Variants in APC2 observed in about 807,000 individuals in gnomAD.
APC2 encodes adenomatous polyposis coli protein 2.
Under a neutral mutation model 72.5 loss-of-function variants are expected in APC2, and 41 were observed. The ratio of observed to expected loss-of-function variants is 0.57; its 90% confidence interval spans 0.44 to 0.73. APC2 has a LOEUF of 0.73. Ranked by LOEUF, APC2 falls within the 30% of genes least tolerant of loss-of-function variation. The pLI, the probability that APC2 is intolerant of heterozygous loss-of-function variation, is 0.00. For synonymous variants in APC2, 1,898 were observed against 1,612.0 expected (o/e 1.18, Z -4.25); for missense variants, 3,729 against 3,403.4 (o/e 1.10, Z -2.38).
At chr19:1,448,147 G>C (rs770805875), upstream of APC2, among the ~76,000 whole-genome samples, 2 of 151,924 alleles carry the variant, frequency 1.3e-5, no homozygotes, top group Non-Finnish European at 2.9e-5. Context: ...GCTCTGCCCC[G>C]GCTTGACCTG....
chr19:1,464,672 T>C (rs2049759829), intron 14 of APC2, among the ~76,000 whole-genome samples: 1 of 146,742 alleles, frequency 6.8e-6, no homozygotes, highest in African/African-American at 2.6e-5. Flanking sequence ...CTTGGTCTCT[T>C]GCCAGGCTGG....
At chr19:1,454,645 G>C (rs2083790815) in intron 4 of APC2, among the ~76,000 whole-genome samples, 1 of 147,196 alleles carries the variant, frequency 6.8e-6, no homozygotes, top group African/African-American at 2.5e-5. Flanking sequence ...CTCACTGCAA[G>C]CTCCGCCTCC....
chr19:1,468,942 C>A lies in APC2; in HGVS notation c.5641C>A (p.Pro1881Thr), dbSNP rs758498465. Residue 1881 changes from proline (P) to threonine (T), a missense_variant, in exon 15 of 15, where the codon CCC becomes ACC. By Grantham distance (38) the Pro-to-Thr change is conservative. Coordinates refer to ENST00000590469, the MANE Select transcript of APC2 (RefSeq NM_005883.3). Reference sequence around the variant, plus strand: ...CTCCTCCAGCTCCTCCCAGACCTCGCCCGCCTCCCAGCCCCTGCCCAGAAA... The same window carrying A: ...CTCCTCCAGCTCCTCCCAGACCTCGACCGCCTCCCAGCCCCTGCCCAGAAA... ...TPSSSSSQTSPASQPLPRKRP... is the reference protein window; with the variant it reads ...TPSSSSSQTSTASQPLPRKRP... 1.5e-4 allele frequency: 234 copies of A among 1,542,950 alleles called. No homozygotes were observed. Among genetic ancestry groups the A allele is most frequent in the Admixed American group, 2.2e-4 (12 of 53,832 alleles).
chr19:1,467,642 C>T lies in APC2; in HGVS notation c.4341C>T (p.Gly1447=). 6.8e-7 allele frequency: 1 copy of T among 1,481,280 alleles called. No homozygotes were observed. The allele number at this position is 1,481,280 out of a possible 1,614,324, so 91.8% of individuals were successfully genotyped here. A position where few individuals can be genotyped will look rare whatever the true frequency, so the allele number is the denominator to read the frequency against. ...TGGGGCACCGGCACAAGGCGGGAGG[C>T]GCCGGCCGCAGCGCGGAGCAGTCTC... ...QAMGHRHKAG[G]AGRSAEQSRG... Residue 1447 remains glycine, a synonymous_variant, in exon 15 of 15, where the codon GGC becomes GGT. Transcript: ENST00000590469.
In APC2 at chr19:1,469,201, G is replaced by C; in HGVS notation, c.5900G>C (p.Gly1967Ala). ...ACCGAGGCGGGCCCGGGGGCGCGCGGGGGCCGCCTGGGCCTGGTGCGTGTG... is the reference window on the plus strand; with the variant it reads ...ACCGAGGCGGGCCCGGGGGCGCGCGCGGGCCGCCTGGGCCTGGTGCGTGTG... The part of the protein sequence containing the change: ...AGTEAGPGAR[G>A]GRLGLVRVAS... Residue 1967 changes from glycine (G) to alanine (A), a missense_variant, in exon 15 of 15, where the codon GGG (glycine) becomes GCG (alanine). Coordinates refer to ENST00000590469, the MANE Select transcript of APC2 (RefSeq NM_005883.3). 2.3e-6 allele frequency: 3 copies of C among 1,312,882 alleles called. No homozygotes were observed. The highest frequency in any genetic ancestry group is 2.9e-6 in the Non-Finnish European group (3 of 1,029,460). The allele number at this position is 1,312,882 out of a possible 1,614,324, so 81.3% of individuals were successfully genotyped here. A position where few individuals can be genotyped will look rare whatever the true frequency, so the allele number is the denominator to read the frequency against.
chr19:1,448,714 G>T (rs943397414), upstream of APC2, among the ~76,000 whole-genome samples: 1 of 150,532 alleles, frequency 6.6e-6, no homozygotes, highest in Non-Finnish European at 1.5e-5. Context: ...CGTGGTGGCG[G>T]GCGCCTGTAG....
At chr19:1,449,920 C>T (rs1013544537), upstream of APC2, among the ~76,000 whole-genome samples, 2 of 152,206 alleles carry the variant, frequency 1.3e-5, no homozygotes, top group African/African-American at 4.8e-5. Flanking sequence ...GAATCTTGGT[C>T]CTCGGGGCAC....
Position 1,467,010 on chromosome 19 carries a change from G to A in APC2, c.3709G>A (p.Val1237Met). ...GTTCAGCCTGCAGTGGGAGAGCTAC[G>A]TGAAGCGCTTCCTGGACATCGCCGA... The part of the protein sequence containing the change: ...TQFSLQWESY[V>M]KRFLDIADCR... The change falls in exon 15 of 15, where the codon GTG (valine) becomes ATG (methionine). Residue 1237 changes from valine to methionine, a missense_variant. Transcript: ENST00000590469. 6.2e-7 allele frequency: 1 copy of A among 1,610,276 alleles called. No homozygotes were observed. Among genetic ancestry groups the A allele is most frequent in the African/African-American group, 1.3e-5 (1 of 74,998 alleles).
chr19:1,457,671 C>G lies in APC2; in HGVS notation c.1208-294C>G, dbSNP rs1016757582. ...TGAGATCATGCTACTGCACTCCAGT[C>G]TGGACAACAGAGCGAGACCCTGTCT... On this transcript the variant is annotated intron_variant, in intron 9 of 14. Transcript: ENST00000590469. 3 of 531,216 alleles carry G rather than the reference C, an allele frequency of 5.6e-6. No homozygotes were observed. The African/African-American group carries it at 5.8e-5, about 10-fold the overall frequency. The allele number at this position is 531,216 out of a possible 1,614,324, so 32.9% of individuals were successfully genotyped here.
rs767362635 is a variant in APC2 at position 1,465,161 on chromosome 19, G to A, written c.1860G>A (p.Val620=). ...ACCCGCCCTGTGCCTACAGGCAGGT[G>A]CTCCGGGATCACAACTGTCTGCAGA... ...LVATREDYRQ[V]LRDHNCLQTL... Residue 620 remains valine (V), a synonymous_variant, in exon 15 of 15, where the codon GTG becomes GTA. Coordinates refer to ENST00000590469, the MANE Select transcript of APC2 (RefSeq NM_005883.3). 1.5e-5 allele frequency: 24 copies of A among 1,598,486 alleles called. No individual in the cohort carries two copies. The highest frequency in any genetic ancestry group is 2.0e-5 in the Non-Finnish European group (24 of 1,173,572).
At position 1,456,969 on chromosome 19, in the gene APC2, G is replaced by C. The variant is rs892389129; in HGVS notation, c.933G>C (p.Ser311=). 6 of 1,539,562 alleles carry C rather than the reference G, an allele frequency of 3.9e-6. No homozygotes were observed. Among genetic ancestry groups the C allele is most frequent in the South Asian group, 1.2e-5 (1 of 84,316 alleles). ...AGAGCTGCGTGGCCATGCGCCGCTCGGGCTGTCTGCCTCTGCTGCTGCAAA... is the reference window on the plus strand; with the variant it reads ...AGAGCTGCGTGGCCATGCGCCGCTCCGGCTGTCTGCCTCTGCTGCTGCAAA... The part of the protein sequence containing the change: ...SPESCVAMRR[S]GCLPLLLQIL... Residue 311 remains serine, a synonymous_variant, in exon 9 of 15, where the codon TCG becomes TCC. Coordinates refer to ENST00000590469, the MANE Select transcript of APC2 (RefSeq NM_005883.3).
upstream of APC2, chr19:1,450,120 C>A: frequency 2.0e-6 from 2 of 984,266 alleles, no homozygotes; most frequent in South Asian, 4.7e-5. Context: ...CTCCCCCGCT[C>A]GCGGTGGTCT....
Position 1,462,120 on chromosome 19 carries a change from G to A in APC2, c.1796G>A (p.Ser599Asn), listed in dbSNP as rs150888374. ...CQSNSLAIIE[S>N]GGGILRNVSS... is the part of the protein sequence containing the mutation. The stretch of plus-strand genomic sequence containing the variant: ...AGCAACTCGCTGGCCATCATCGAGA[G>A]CGGCGGCGGCATCCTCCGCAATGTG... The change falls in exon 14 of 15, where the codon AGC becomes AAC. Residue 599 changes from serine (S) to asparagine (N), a missense_variant. Transcript: ENST00000590469. 2.3e-4 allele frequency: 371 copies of A among 1,612,496 alleles called. No individual in the cohort carries two copies. Among genetic ancestry groups the A allele is most frequent in the Non-Finnish European group, 3.0e-4 (356 of 1,179,972 alleles).
Position 1,455,385 on chromosome 19 carries a change from A to G in APC2, c.524A>G (p.Gln175Arg). Residue 175 changes from glutamine (Q) to arginine (R), a missense_variant and splice_region_variant, in exon 6 of 15, where the codon CAG becomes CGG. Coordinates refer to ENST00000590469, the MANE Select transcript of APC2 (RefSeq NM_005883.3). The stretch of plus-strand genomic sequence containing the variant: ...GGCCCGCCCGCCTGCCTTTGCCAGC[A>G]GTTCTCGATGCAGATGGACCTGATC... ...RLDELPHVET[Q>R]FSMQMDLIRQ... is the part of the protein sequence containing the mutation. 6.2e-7 allele frequency: 1 copy of G among 1,608,478 alleles called. No individual in the cohort carries two copies.
chr19:1,446,500 C>T (rs2083688604), upstream of APC2, among the ~76,000 whole-genome samples: 1 of 111,730 alleles, frequency 9.0e-6, no homozygotes, highest in Non-Finnish European at 1.7e-5. This position sits in a 1 kb window ranked among gnomAD's most constrained non-coding sequence, Gnocchi z 6.1. Context: ...CCGTAGAGAC[C>T]GTTGCCGGGA....
chr19:1,462,190 C>A lies in APC2; in HGVS notation c.1853+13C>A, dbSNP rs773358910. 1.9e-5 allele frequency: 29 copies of A among 1,530,032 alleles called. No homozygotes were observed. The South Asian group carries it at 3.4e-4, about 18-fold the overall frequency. The allele number at this position is 1,530,032 out of a possible 1,614,324, so 94.8% of individuals were successfully genotyped here. A position where few individuals can be genotyped will look rare whatever the true frequency, so the allele number is the denominator to read the frequency against. On this transcript the variant is annotated intron_variant, in intron 14 of 14. Transcript: ENST00000590469. ...GTGAGGACTACAGGTCGGCCCCCACCCCCCCACCCGCACACAGGCAGCTGC... is the reference window on the plus strand; with the variant it reads ...GTGAGGACTACAGGTCGGCCCCCACACCCCCACCCGCACACAGGCAGCTGC...
intron 9 of APC2, chr19:1,457,754 A>C: frequency 1.7e-6 from 1 of 601,034 alleles, no homozygotes; most frequent in East Asian, 2.8e-5. Flanking sequence ...GTGCTCCAGG[A>C]ACTACCTCGC....
chr19:1,469,278 C>A lies in APC2; in HGVS notation c.5977C>A (p.Arg1993=), dbSNP rs1418053574. The change falls in exon 15 of 15, where the codon CGA becomes AGA. Residue 1993 remains arginine (R), a synonymous_variant. Coordinates refer to ENST00000590469, the MANE Select transcript of APC2 (RefSeq NM_005883.3). ...SESSDRSGFR[R]QLTFIKESPG... ...GTCCTCCGACCGCTCGGGCTTCCGG[C>A]GACAGCTAACCTTCATCAAGGAGTC... 1 of 1,425,020 alleles carries A rather than the reference C, an allele frequency of 7.0e-7. No homozygotes were observed. The allele number at this position is 1,425,020 out of a possible 1,614,324, so 88.3% of individuals were successfully genotyped here.
chr19:1,470,183 G>A lies in APC2; in HGVS notation c.6882G>A (p.Pro2294=), dbSNP rs754900683. Residue 2294 remains proline (P), a synonymous_variant, in exon 15 of 15, where the codon CCG becomes CCA. Transcript: ENST00000590469. Reference sequence around the variant, plus strand: ...CCGACTCGGCCGCGGAGAAAGCCCCGGCCACTGCCTCCGCCACCCTCCTGG... The same window carrying A: ...CCGACTCGGCCGCGGAGAAAGCCCCAGCCACTGCCTCCGCCACCCTCCTGG... ...ATTDSAAEKA[P]ATASATLLE 43 of 1,600,566 alleles carry A rather than the reference G, an allele frequency of 2.7e-5. No homozygotes were observed. Among genetic ancestry groups the A allele is most frequent in the Middle Eastern group, 3.3e-4 (2 of 6,056 alleles).
Sources: allele counts gnomAD v4.1 joint callset (sites outside exome capture counted in the v4.1 genomes callset), GRCh38; gene constraint gnomAD v4.1.1; non-coding constraint Gnocchi (gnomAD v3.1); transcripts MANE v1.5; gene names NCBI Gene and HGNC (gene_info 2026-07-23, HGNC 2026-07-21).